CROCC2: variants seen among roughly 807,000 people sequenced by gnomAD.
CROCC2 encodes the protein ciliary rootlet coiled-coil, rootletin family member 2.
Under a neutral mutation model 177.6 loss-of-function variants are expected in CROCC2, and 163 were observed. That is an observed-to-expected ratio of 0.92 (90% CI 0.81 to 1.05). CROCC2 has a LOEUF of 1.05. Ranked by LOEUF, CROCC2 falls within the 50% of genes least tolerant of loss-of-function variation. The probability of loss-of-function intolerance (pLI) is 0.00; values close to 1 mark genes in which losing one functional copy is unlikely to be tolerated. For missense variants in CROCC2, 1,929 were observed against 1,797.8 expected (o/e 1.07, Z -1.32); for synonymous variants, 904 against 787.3 (o/e 1.15, Z -2.48).
intron 3 of CROCC2, 94 bp from the exon 4 acceptor site, chr2:240,922,445 C>T: frequency 1.7e-6 from 1 of 599,804 alleles, no homozygotes; most frequent in Non-Finnish European, 3.1e-6. Flanking sequence ...GCCCTCTCTT[C>T]CCCACTAAGG....
chr2:240,946,248 T>C lies in CROCC2; in HGVS notation c.2358T>C (p.Asp786=). ...GGCTCGCAGCTGAAGAGGCAGCTGATCTCAGGTATGCAAGGGCCTGCCAGT... is the reference window on the plus strand; with the variant it reads ...GGCTCGCAGCTGAAGAGGCAGCTGACCTCAGGTATGCAAGGGCCTGCCAGT... ...QGRLAAEEAA[D]LRVERDSLES... Residue 786 remains aspartate, a synonymous_variant, in exon 15 of 32, where the codon GAT becomes GAC. Coordinates refer to ENST00000690015, the MANE Select transcript of CROCC2 (RefSeq NM_001351305.2). The C allele has an allele frequency of 6.5e-7, 1 of 1,529,050 alleles. No individual in the cohort carries two copies. The highest frequency in any genetic ancestry group is 1.4e-5 in the African/African-American group (1 of 72,802). 94.7% of individuals were successfully genotyped at this position (1,529,050 alleles called of 1,614,324 possible).
chr2:240,942,753 T>C (rs539840515), intron 14 of CROCC2, among the ~76,000 whole-genome samples: 7 of 152,304 alleles, frequency 4.6e-5, no homozygotes, highest in Admixed American at 4.6e-4. Flanking sequence ...TCCCAGGGTA[T>C]AATATAACTC....
Position 240,917,984 on chromosome 2 carries a change from G to A in CROCC2, c.79-742G>A, listed in dbSNP as rs74000113. Among the ~76,000 whole-genome samples the A allele has an allele frequency of 0.031, 4,723 of 152,270 alleles. 229 individuals are homozygous for A. Among genetic ancestry groups the A allele is most frequent in the African/African-American group, 0.11 (4,489 of 41,550 alleles). On this transcript the variant is annotated intron_variant, in intron 1 of 31. Coordinates refer to ENST00000690015, the MANE Select transcript of CROCC2 (RefSeq NM_001351305.2). The surrounding 1 kb of genome is among the most constrained non-coding windows in gnomAD (Gnocchi z 4.9). The stretch of plus-strand genomic sequence containing the variant: ...CCCAAGACCCTCAAAACCAGGCTGG[G>A]GTACCCAGGACACCCAGGCACTCCT...
At chr2:240,969,730 C>CTATTT (rs902203154) in intron 27 of CROCC2, among the ~76,000 whole-genome samples, 35 of 152,144 alleles carry the variant, frequency 2.3e-4, no homozygotes, top group African/African-American at 7.7e-4. Context: ...AAGAGACCTT[C>CTATTT]TATTTTATTT....
At chr2:240,962,417 G>A (rs1467573176) in intron 20 of CROCC2, among the ~76,000 whole-genome samples, 1 of 152,116 alleles carries the variant, frequency 6.6e-6, no homozygotes, top group African/African-American at 2.4e-5. Flanking sequence ...GCTGGTCCTT[G>A]ACCTTCTGGG....
chr2:240,934,667 C>A (rs1016409560), intron 12 of CROCC2, among the ~76,000 whole-genome samples, 192 bp downstream of exon 12: 24 of 152,360 alleles, frequency 1.6e-4, no homozygotes, highest in African/African-American at 5.5e-4. Flanking sequence ...CTGCTGTCAA[C>A]CCTGCTGGCC....
At chr2:240,983,265 T>C in intron 28 of CROCC2, 1 of 956,990 alleles carries the variant, frequency 1.0e-6, no homozygotes. Context: ...GCTGGATTTC[T>C]TGCCGTACAG....
intron 14 of CROCC2, among the ~76,000 whole-genome samples, chr2:240,940,222 A>G (rs1284341319): frequency 6.6e-6 from 1 of 152,144 alleles, no homozygotes; most frequent in Non-Finnish European, 1.5e-5. Context: ...TTTCTTCCAC[A>G]GCCAATTTTT....
chr2:240,943,872 A>C (rs2059508137), intron 14 of CROCC2, among the ~76,000 whole-genome samples: 1 of 152,168 alleles, frequency 6.6e-6, no homozygotes, highest in African/African-American at 2.4e-5. Flanking sequence ...TATTCATAGA[A>C]TTTCAGACTC....
intron 14 of CROCC2, among the ~76,000 whole-genome samples, chr2:240,937,857 T>C (rs1559597700): frequency 6.6e-6 from 1 of 152,206 alleles, no homozygotes. Flanking sequence ...TCTCTTGATG[T>C]TGAGTGAGTT....
chr2:240,912,972 C>T (rs946288686), intron 1 of CROCC2, among the ~76,000 whole-genome samples: 6 of 152,176 alleles, frequency 3.9e-5, no homozygotes, highest in African/African-American at 7.2e-5. Flanking sequence ...CGCTGAGCTC[C>T]GCACTGTCAC....
intron 1 of CROCC2, among the ~76,000 whole-genome samples, chr2:240,907,109 A>C (rs1186417722): frequency 6.6e-6 from 1 of 151,928 alleles, no homozygotes; most frequent in Non-Finnish European, 1.5e-5. Context: ...GACCTCGTTC[A>C]CTGCCCTCCC....
At chr2:240,941,094 C>CA (rs201425416) in intron 14 of CROCC2, among the ~76,000 whole-genome samples, 97 of 149,110 alleles carry the variant, frequency 6.5e-4, no homozygotes, top group South Asian at 6.2e-3. Context: ...ACAATAGATG[C>CA]AAAAAAAAAT....
At chr2:240,966,941 G>C (rs964278475) in intron 25 of CROCC2, among the ~76,000 whole-genome samples, 1 of 151,816 alleles carries the variant, frequency 6.6e-6, no homozygotes, top group Non-Finnish European at 1.5e-5. Flanking sequence ...CCTTCCCTTC[G>C]GGCCCACCCT....
Position 240,934,406 on chromosome 2 carries a change from G to C in CROCC2, c.1722G>C (p.Leu574=), listed in dbSNP as rs1457908272. ...AGCTGGCATCGGTCCGGGAGGCACT[G>C]AGCACAGCACAGCTGCAGCGGGATG... ...REELASVREA[L]STAQLQRDVV... is the part of the protein sequence containing the mutation. Residue 574 remains leucine, a synonymous_variant, in exon 12 of 32, where the codon CTG becomes CTC. Transcript: ENST00000690015. The C allele has an allele frequency of 1.9e-6, 3 of 1,548,748 alleles. No homozygotes were observed. In the East Asian group the frequency reaches 7.3e-5, roughly 38 times the overall value.
intron 4 of CROCC2, 109 bp downstream of exon 4, chr2:240,922,754 CTG>C (rs1367983980): frequency 8.4e-6 from 4 of 477,316 alleles, no homozygotes; most frequent in African/African-American, 4.1e-5. Context: ...CCCAAAGCAG[CTG>C]TGAGTTCAGT....
chr2:240,921,276 C>A (rs1024898657), intron 3 of CROCC2, among the ~76,000 whole-genome samples: 4 of 152,172 alleles, frequency 2.6e-5, no homozygotes, highest in African/African-American at 9.7e-5. Context: ...TTCTATCACG[C>A]CCTGACCCCC....
chr2:240,971,004 G>C (rs573749465), intron 27 of CROCC2, among the ~76,000 whole-genome samples: 1 of 152,320 alleles, frequency 6.6e-6, no homozygotes, highest in African/African-American at 2.4e-5. Context: ...TCCCAGCGTG[G>C]CGAGTCCAGC....
intron 14 of CROCC2, among the ~76,000 whole-genome samples, chr2:240,943,367 C>G (rs2059504695): frequency 6.6e-6 from 1 of 152,100 alleles, no homozygotes; most frequent in African/African-American, 2.4e-5. Context: ...TCTCTGATAT[C>G]CGCTCTTCTT....
Sources: gnomAD v4.1 joint callset for allele counts (sites outside exome capture counted in the v4.1 genomes callset) on GRCh38, gnomAD v4.1.1 for gene constraint, Gnocchi (gnomAD v3.1) non-coding constraint, MANE v1.5 for transcripts, NCBI Gene and HGNC (gene_info 2026-07-23, HGNC 2026-07-21) for gene names.